Variants in ALG11 observed in about 807,000 individuals in gnomAD.
The protein encoded by ALG11 is GDP-Man:Man(3)GlcNAc(2)-PP-Dol alpha-1,2-mannosyltransferase.
In ALG11, 26 loss-of-function variants were observed where a neutral mutation model predicts 38.8. The ratio of observed to expected loss-of-function variants is 0.67; its 90% CI spans 0.49 to 0.93. The LOEUF (loss-of-function observed/expected upper bound fraction) is 0.93, where lower values mean the gene tolerates loss of function less well. ALG11 is among the 40% of genes least tolerant of loss of function. The pLI, the probability that ALG11 is intolerant of heterozygous loss-of-function variation, is 0.00. For synonymous variants in ALG11, 199 were observed against 211.6 expected, an observed-to-expected ratio of 0.94 and a Z score of 0.52; for missense variants, 535 against 578.8, an observed-to-expected ratio of 0.92 and a Z score of 0.78.
chr13:52,023,986 A>G lies in ALG11; in HGVS notation c.276-20A>G. Reference sequence around the variant, plus strand: ...ATTTTTGTAACTTAATATATTCTTAACCATTACATTCTATTTTAGGTATCC... The same window carrying G: ...ATTTTTGTAACTTAATATATTCTTAGCCATTACATTCTATTTTAGGTATCC... On this transcript the variant is annotated intron_variant, in intron 2 of 3. Transcript: ENST00000521508. 1 of 1,610,808 alleles carries G rather than the reference A, an allele frequency of 6.2e-7. No homozygotes were observed. The highest frequency in any genetic ancestry group is 8.5e-7 in the Non-Finnish European group (1 of 1,177,464).
At chr13:52,021,965 A>C (rs1186699570) in intron 2 of ALG11, 1 of 152,238 alleles carries the variant, frequency 6.6e-6, no homozygotes, top group African/African-American at 2.4e-5. Flanking sequence ...GGAAACTGGC[A>C]CAATGTCACT....
chr13:52,024,175 C>T lies in ALG11; in HGVS notation c.445C>T (p.Leu149=), dbSNP rs760396724. 1.2e-6 allele frequency: 2 copies of T among 1,614,166 alleles called. No homozygotes were observed. The highest frequency in any genetic ancestry group is 3.3e-5 in the Admixed American group (2 of 60,032). ...VEDSLYPHFT[L]LGQSLGSIFL... ...AGATTCACTGTATCCTCACTTCACA[C>T]TGCTGGGCCAAAGTCTAGGATCCAT... is the stretch of plus-strand genomic sequence containing the variant. The change falls in exon 3 of 4, where the codon CTG becomes TTG. Residue 149 remains leucine (L), a synonymous_variant. Transcript: ENST00000521508.
intron 1 of ALG11, chr13:52,017,768 A>G (rs559268132): frequency 3.9e-5 from 6 of 152,558 alleles, no homozygotes; most frequent in African/African-American, 1.4e-4. Flanking sequence ...TACACTGTGT[A>G]ACTACACAAA....
At chr13:52,028,203 AT>A (rs1165172147) in intron 3 of ALG11, 115 bp from the exon 4 acceptor site, 1 of 1,232,762 alleles carries the variant, frequency 8.1e-7, no homozygotes, top group Non-Finnish European at 1.2e-6. Context: ...CTAGACATAC[AT>A]TTAATTAAGT....
rs746018813 is a variant in ALG11, at chr13:52,028,502, GA to G, written c.1396del (p.Ser466ValfsTer6). The G allele has an allele frequency of 6.2e-7, 1 of 1,614,142 alleles. No homozygotes were observed. Among genetic ancestry groups the G allele is most frequent in the South Asian group, 1.1e-5 (1 of 91,084 alleles). On this transcript the variant is annotated frameshift_variant, in exon 4 of 4. Coordinates refer to ENST00000521508, the MANE Select transcript of ALG11 (RefSeq NM_001004127.3). LOFTEE classifies it high-confidence loss of function. Reference protein sequence around the residue: ...SMSAEKRLQIRKSARASVSRF... With the variant: ...SMSAEKRLQIXKSARASVSRF... The stretch of plus-strand genomic sequence containing the variant: ...TCTGCAGAAAAGAGACTCCAAATCA[GA>G]AAAAGTGCTCGTGCATCTGTAAGCA...
chr13:52,027,114 G>A (rs1015132965), intron 3 of ALG11, among the ~76,000 whole-genome samples: 10 of 152,164 alleles, frequency 6.6e-5, no homozygotes. Flanking sequence ...CTGGTGACCT[G>A]GGCAAGAGCA....
chr13:52,028,454 C>G lies in ALG11; in HGVS notation c.1343C>G (p.Thr448Ser), dbSNP rs372199878. 4 of 1,614,174 alleles carry G rather than the reference C, an allele frequency of 2.5e-6. No homozygotes were observed. The highest frequency in any genetic ancestry group is 2.7e-5 in the African/African-American group (2 of 75,024). Residue 448 changes from threonine to serine, a missense_variant, in exon 4 of 4, where the codon ACT becomes AGT. Thr to Ser is a moderately conservative substitution (Grantham distance 58). Transcript: ENST00000521508. ...LAESEEDYAE[T>S]IAHILSMSAE... ...GAGAGTGAAGAAGACTATGCTGAAA[C>G]TATCGCTCACATTCTTTCCATGTCT...
chr13:52,028,441 G>C lies in ALG11; in HGVS notation c.1330G>C (p.Asp444His), dbSNP rs1954263201. 6.2e-7 allele frequency: 1 copy of C among 1,614,064 alleles called. No individual in the cohort carries two copies. The highest frequency in any genetic ancestry group is 8.5e-7 in the Non-Finnish European group (1 of 1,180,056). Residue 444 changes from aspartate to histidine, a missense_variant, in exon 4 of 4, where the codon GAC (aspartate) becomes CAC (histidine). Transcript: ENST00000521508. ...ITGFLAESEE[D>H]YAETIAHILS... ...TGGCTTTCTGGCTGAGAGTGAAGAA[G>C]ACTATGCTGAAACTATCGCTCACAT...
intron 3 of ALG11, among the ~76,000 whole-genome samples, chr13:52,026,807 A>C (rs973640608): frequency 2.6e-5 from 4 of 152,152 alleles, no homozygotes; most frequent in Admixed American, 6.5e-5. Context: ...TAGGAGTCTG[A>C]AGTTGAGAGG....
At chr13:52,013,855 T>C (rs1270854653) in intron 1 of ALG11, among the ~76,000 whole-genome samples, 8 of 152,220 alleles carry the variant, frequency 5.3e-5, no homozygotes, top group African/African-American at 1.4e-4. Flanking sequence ...CCTCAACAAA[T>C]CTGTTTTTAT....
Position 52,030,487 on chromosome 13 carries a change from C to G in ALG11, c.*1897C>G. 6.2e-7 allele frequency: 1 copy of G among 1,614,242 alleles called. No homozygotes were observed. The highest frequency in any genetic ancestry group is 8.5e-7 in the Non-Finnish European group (1 of 1,180,048). The stretch of plus-strand genomic sequence containing the variant: ...AGGAGCAACTGATCAACCTACAGAA[C>G]TTCCTGACCACACAGTCTCCTTCCG... On this transcript the variant is annotated 3_prime_UTR_variant, in exon 4 of 4. Coordinates refer to ENST00000521508, the MANE Select transcript of ALG11 (RefSeq NM_001004127.3).
At chr13:52,028,233 A>AT (rs1954260478) in intron 3 of ALG11, 86 bp from the exon 4 acceptor site, 2 of 1,541,832 alleles carry the variant, frequency 1.3e-6, no homozygotes, top group African/African-American at 1.4e-5. Context: ...AGTCCCTTAA[A>AT]TTTTTTGAAG....
rs1468362898 is a variant in ALG11 at position 52,028,793 on chromosome 13, C to A, written c.*203C>A. ...CCATTCTTGGTATACATGAGAGAGG[C>A]TGGCTGCTGAGATGAATGTGAACCA... On this transcript the variant is annotated 3_prime_UTR_variant, in exon 4 of 4. Coordinates refer to ENST00000521508, the MANE Select transcript of ALG11 (RefSeq NM_001004127.3). 1 of 1,614,180 alleles carries A rather than the reference C, an allele frequency of 6.2e-7. No homozygotes were observed. The highest frequency in any genetic ancestry group is 2.2e-5 in the East Asian group (1 of 44,882).
chr13:52,023,531 G>A, intron 2 of ALG11: 1 of 150,522 alleles, frequency 6.6e-6, no homozygotes, highest in Non-Finnish European at 1.5e-5. Context: ...CCGGGAGGCA[G>A]AGATTGTCAG....
chr13:52,019,474 GC>G (rs1336002902), intron 2 of ALG11, among the ~76,000 whole-genome samples: 1 of 152,090 alleles, frequency 6.6e-6, no homozygotes, highest in Non-Finnish European at 1.5e-5. Context: ...GCCCACCTCG[GC>G]CTTCCAAAGT....
intron 1 of ALG11, 136 bp from the exon 2 acceptor site, chr13:52,018,777 T>C (rs914183039): frequency 2.7e-6 from 2 of 753,844 alleles, no homozygotes; most frequent in African/African-American, 3.5e-5. Context: ...ACTTGAGTAT[T>C]TTGTTAGCAG....
Position 52,030,865 on chromosome 13 carries a change from A to T in ALG11, c.*2275A>T. 6.2e-7 allele frequency: 1 copy of T among 1,614,112 alleles called. No individual in the cohort carries two copies. The highest frequency in any genetic ancestry group is 2.2e-5 in the East Asian group (1 of 44,876). On this transcript the variant is annotated 3_prime_UTR_variant, in exon 4 of 4. Coordinates refer to ENST00000521508, the MANE Select transcript of ALG11 (RefSeq NM_001004127.3). ...ATCAGGTACAAGTGCTTCCATATCC[A>T]TTTACCCACCATCGGCAATTTGAAA...
In ALG11 at chr13:52,024,748, GTC is replaced by G. The variant is rs1954222705; in HGVS notation, c.1019_1020del (p.Val340AlafsTer7). 2 of 1,614,210 alleles carry G rather than the reference GTC, an allele frequency of 1.2e-6. No individual in the cohort carries two copies. The highest frequency in any genetic ancestry group is 4.5e-5 in the East Asian group (2 of 44,882). ...TGAGTCACCTCCTTCGCTTAAACTTGTCCTCATTGGAGGTTGTCGTAACAAAG... is the reference window on the plus strand; with the variant it reads ...TGAGTCACCTCCTTCGCTTAAACTTGCTCATTGGAGGTTGTCGTAACAAAG... ...MVESPPSLKL[V>X]LIGGCRNKDD... On this transcript the variant is annotated frameshift_variant, in exon 3 of 4. Transcript: ENST00000521508. LOFTEE classifies it high-confidence loss of function.
At position 52,030,117 on chromosome 13, in the gene ALG11, C is replaced by T; in HGVS notation, c.*1527C>T. On this transcript the variant is annotated 3_prime_UTR_variant, in exon 4 of 4. Transcript: ENST00000521508. The stretch of plus-strand genomic sequence containing the variant: ...AAAAGATCTGAGCTCAACCAGGATG[C>T]TGAGCCAGCAAGCAGTCAAGAAACA... 1 of 1,614,206 alleles carries T rather than the reference C, an allele frequency of 6.2e-7. No individual in the cohort carries two copies. The highest frequency in any genetic ancestry group is 8.5e-7 in the Non-Finnish European group (1 of 1,180,046).
Sources: gnomAD v4.1 joint callset for allele counts (sites outside exome capture counted in the v4.1 genomes callset) on GRCh38, gnomAD v4.1.1 for gene constraint, MANE v1.5 for transcripts, NCBI Gene and HGNC (gene_info 2026-07-23, HGNC 2026-07-21) for gene names.